The following MGAT4A variants were observed in gnomAD, a reference collection of about 807,000 sequenced individuals.
The protein encoded by MGAT4A is N-acetylglucosaminyltransferase IVa.
Under a neutral mutation model 74.1 loss-of-function variants are expected in MGAT4A, and 33 were observed. The observed-to-expected ratio is 0.45, with a 90% CI of 0.34 to 0.60. MGAT4A has a LOEUF of 0.60. MGAT4A is among the 20% of genes least tolerant of loss of function. The pLI, the probability that MGAT4A is intolerant of heterozygous loss-of-function variation, is 0.02. For missense variants in MGAT4A, 479 were observed against 628.3 expected (o/e 0.76, Z 2.54); for synonymous variants, 198 against 210.4 (o/e 0.94, Z 0.51).
At chr2:98,721,834 G>A (rs939210538) in intron 2 of MGAT4A, among the ~76,000 whole-genome samples, 2 of 151,750 alleles carry the variant, frequency 1.3e-5, no homozygotes, top group East Asian at 1.9e-4. Flanking sequence ...AGGAACACAG[G>A]AACAAAAAAG....
chr2:98,663,238 C>T, intron 4 of MGAT4A, 59 bp from the exon 5 acceptor site: 4 of 1,527,296 alleles, frequency 2.6e-6, no homozygotes, highest in South Asian at 1.2e-5. Flanking sequence ...CAGAAAAACA[C>T]TTCTATTTCA....
chr2:98,723,337 G>A (rs1702709917), intron 2 of MGAT4A, among the ~76,000 whole-genome samples: 4 of 152,128 alleles, frequency 2.6e-5, no homozygotes, highest in South Asian at 2.1e-4. Flanking sequence ...GAGGAGAGCC[G>A]GCCGGAAGAC....
At position 98,663,025 on chromosome 2, in the gene MGAT4A, TAAC is replaced by T. The variant is rs772404993; in HGVS notation, c.537+18_537+20del. On this transcript the variant is annotated intron_variant, in intron 5 of 15. Transcript: ENST00000393487. Reference sequence around the variant, plus strand: ...TTATAGGCTATATTTGGTAAAAACATAACAACAATTAAATAATTACCTCTCCTA... The same window carrying T: ...TTATAGGCTATATTTGGTAAAAACATAACAATTAAATAATTACCTCTCCTA... The T allele has an allele frequency of 2.1e-6, 3 of 1,455,030 alleles. No individual in the cohort carries two copies. The highest frequency in any genetic ancestry group is 2.2e-5 in the Admixed American group (1 of 45,002). 90.1% of individuals were successfully genotyped at this position (1,455,030 alleles called of 1,614,324 possible). A position where few individuals can be genotyped will look rare whatever the true frequency, so the allele number is the denominator to read the frequency against.
chr2:98,659,482 A>G (rs1305048818), intron 5 of MGAT4A, among the ~76,000 whole-genome samples: 1 of 152,128 alleles, frequency 6.6e-6, no homozygotes, highest in Non-Finnish European at 1.5e-5. Flanking sequence ...AGCCAGCCAG[A>G]GCCCTATTGA....
At chr2:98,696,790 A>G (rs1311033378) in intron 2 of MGAT4A, among the ~76,000 whole-genome samples, 1 of 152,226 alleles carries the variant, frequency 6.6e-6, no homozygotes, top group Non-Finnish European at 1.5e-5. Context: ...GGAACACAAA[A>G]TAAAATCTCA....
intron 3 of MGAT4A, among the ~76,000 whole-genome samples, chr2:98,675,646 A>AAGAGATCCTCCCCACCTCAGCCTCC: frequency 6.6e-6 from 1 of 151,634 alleles, no homozygotes; most frequent in East Asian, 1.9e-4. Context: ...TCCCAGGCTC[A>AAGAGATCCTCCCCACCTCAGCCTCC]AGAGATCCTC....
intron 2 of MGAT4A, among the ~76,000 whole-genome samples, chr2:98,705,928 G>A (rs1417650026): frequency 1.1e-4 from 14 of 126,064 alleles, no homozygotes; most frequent in African/African-American, 6.3e-5. Context: ...CGACCTGGGC[G>A]ACAGAGCGAG....
chr2:98,651,979 C>A (rs1477941390), intron 8 of MGAT4A, among the ~76,000 whole-genome samples: 1 of 151,986 alleles, frequency 6.6e-6, no homozygotes, highest in Non-Finnish European at 1.5e-5. Context: ...GGACATTGTA[C>A]AATAATAAAA....
At position 98,622,012 on chromosome 2, in the gene MGAT4A, C is replaced by T; in HGVS notation, c.*3554G>A. On this transcript the variant is annotated 3_prime_UTR_variant, in exon 16 of 16. Transcript: ENST00000393487. ...AACTTTTTCCAAAGCTTTTCAATCA[C>T]ACTGTCTGTTCTGACTACACAGTAT... 6 of 987,544 alleles carry T rather than the reference C, an allele frequency of 6.1e-6. No individual in the cohort carries two copies. The highest frequency in any genetic ancestry group is 7.2e-6 in the Non-Finnish European group (6 of 831,456). The allele number at this position is 987,544 out of a possible 1,614,324, so 61.2% of individuals were successfully genotyped here. A position where few individuals can be genotyped will look rare whatever the true frequency, so the allele number is the denominator to read the frequency against.
At position 98,663,403 on chromosome 2, in the gene MGAT4A, GA is replaced by G. The variant is rs532618140; in HGVS notation, c.404-225del. The G allele has an allele frequency of 2.1e-3, 3,191 of 1,510,118 alleles. 10 individuals carry two copies. Among genetic ancestry groups the G allele is most frequent in the Non-Finnish European group, 2.3e-3 (2,660 of 1,132,012 alleles). The allele number at this position is 1,510,118 out of a possible 1,614,324, so 93.5% of individuals were successfully genotyped here. ...TAAGAAAAAAAGAACTGATAAAAAT[GA>G]AAGACATTAAACTTCACACTAAAAA... On this transcript the variant is annotated intron_variant, in intron 4 of 15. Coordinates refer to ENST00000393487, the MANE Select transcript of MGAT4A (RefSeq NM_012214.3).
At chr2:98,662,586 TC>T (rs142699516) in intron 5 of MGAT4A, among the ~76,000 whole-genome samples, 6,469 of 152,098 alleles carry the variant, frequency 0.043, 233 homozygotes, top group African/African-American at 0.095. Context: ...AAGAACTTGC[TC>T]AAGATTTATT....
chr2:98,685,960 G>A (rs966493377), intron 2 of MGAT4A, among the ~76,000 whole-genome samples: 2 of 152,172 alleles, frequency 1.3e-5, no homozygotes, highest in African/African-American at 4.8e-5. Flanking sequence ...TAGTCTACCA[G>A]TTCCTTCTCC....
chr2:98,697,041 T>A (rs938207066), intron 2 of MGAT4A, among the ~76,000 whole-genome samples: 3 of 152,188 alleles, frequency 2.0e-5, no homozygotes, highest in Non-Finnish European at 2.9e-5. Flanking sequence ...CATCTCTTCC[T>A]CAGATGTAAA....
chr2:98,632,353 C>T (rs866805106), intron 14 of MGAT4A, among the ~76,000 whole-genome samples: 1 of 152,276 alleles, frequency 6.6e-6, no homozygotes, highest in South Asian at 2.1e-4. Flanking sequence ...GCCACACCCC[C>T]ATCACACGCC....
At position 98,640,001 on chromosome 2, in the gene MGAT4A, C is replaced by A; in HGVS notation, c.1129G>T (p.Asp377Tyr). ...SLSGKIQKLTDKDYMKPLLLK... is the reference protein window; with the variant it reads ...SLSGKIQKLTYKDYMKPLLLK... ...AGTAATGGTTTCATATAATCTTTAT[C>A]CTGGGAGCAAAGACATATATGCTAT... Residue 377 changes from aspartate (D) to tyrosine (Y), a missense_variant and splice_region_variant, in exon 12 of 16, where the codon GAT becomes TAT. Asp to Tyr is a radical substitution (Grantham distance 160). Coordinates refer to ENST00000393487, the MANE Select transcript of MGAT4A (RefSeq NM_012214.3). The A allele has an allele frequency of 6.2e-7, 1 of 1,608,474 alleles. No homozygotes were observed. Among genetic ancestry groups the A allele is most frequent in the Non-Finnish European group, 8.5e-7 (1 of 1,177,108 alleles).
rs1435243316 is a variant in MGAT4A at position 98,678,458 on chromosome 2, A to G, written c.108T>C (p.Ala36=). The change falls in exon 3 of 16, where the codon GCT becomes GCC. Residue 36 remains alanine (A), a synonymous_variant. Coordinates refer to ENST00000393487, the MANE Select transcript of MGAT4A (RefSeq NM_012214.3). The part of the protein sequence containing the change: ...TWQNGKEKLI[A]YQREFLALKE... ...TCAAAGCAAGGAATTCTCGTTGATA[A>G]GCAATCAGTTTTTCTAGAAGCAAAA... 6.4e-7 allele frequency: 1 copy of G among 1,574,632 alleles called. No individual in the cohort carries two copies. The highest frequency in any genetic ancestry group is 1.7e-5 in the Admixed American group (1 of 59,052).
intron 2 of MGAT4A, among the ~76,000 whole-genome samples, chr2:98,693,743 TTCAC>T (rs1338564196): frequency 6.6e-6 from 1 of 151,414 alleles, no homozygotes; most frequent in East Asian, 1.9e-4. Flanking sequence ...AGTTTCATAC[TTCAC>T]TCAAACTGAT....
chr2:98,666,529 CAAAAAAT>C (rs931220931), intron 4 of MGAT4A, among the ~76,000 whole-genome samples: 5 of 151,966 alleles, frequency 3.3e-5, no homozygotes, highest in African/African-American at 9.7e-5. Flanking sequence ...CTGGTATCTA[CAAAAAAT>C]AAAACACTTA....
At chr2:98,654,791 A>C (rs1701635207) in intron 8 of MGAT4A, among the ~76,000 whole-genome samples, 1 of 152,156 alleles carries the variant, frequency 6.6e-6, no homozygotes, top group African/African-American at 2.4e-5. Context: ...GAAATAGAAA[A>C]AAATCCTCCT....
Sources: gnomAD v4.1 joint callset for allele counts (sites outside exome capture counted in the v4.1 genomes callset) on GRCh38, gnomAD v4.1.1 for gene constraint, MANE v1.5 for transcripts, NCBI Gene and HGNC (gene_info 2026-07-23, HGNC 2026-07-21) for gene names.